The following LAMB4 variants were observed in gnomAD, a reference collection of about 807,000 sequenced individuals.
The protein encoded by LAMB4 is laminin subunit beta-4.
A neutral mutation model predicts 199.2 loss-of-function variants in LAMB4; 196 were observed. The observed-to-expected ratio is 0.98, with a 90% CI of 0.88 to 1.11. The LOEUF (loss-of-function observed/expected upper bound fraction) is 1.11, where lower values mean the gene tolerates loss of function less well. Ranked by LOEUF, LAMB4 falls within the 50% of genes least tolerant of loss-of-function variation. LAMB4 has a pLI of 0.00. For synonymous variants in LAMB4, 744 were observed against 770.6 expected (o/e 0.97, Z 0.57); for missense variants, 2,080 against 2,171.2 (o/e 0.96, Z 0.83).
At chr7:108,109,487 C>T (rs2038142361) in intron 4 of LAMB4, among the ~76,000 whole-genome samples, 1 of 152,174 alleles carries the variant, frequency 6.6e-6, no homozygotes, top group Admixed American at 6.5e-5. Flanking sequence ...CACATGGCCA[C>T]TATGTGGCAG....
chr7:108,017,033 T>C, the LAMB4 span, among the ~76,000 whole-genome samples: 5 of 152,226 alleles, frequency 3.3e-5, no homozygotes, highest in African/African-American at 9.6e-5. Context: ...CTATGAATCT[T>C]AGACACTTAA....
chr7:108,055,520 C>G, intron 25 of LAMB4, 112 bp downstream of exon 25: 2 of 1,153,090 alleles, frequency 1.7e-6, no homozygotes, highest in South Asian at 3.0e-5. Flanking sequence ...CTATCAGTCC[C>G]CTAAAGTCAA....
In LAMB4 at chr7:108,098,456, T is replaced by C. The variant is rs1212511286; in HGVS notation, c.1307A>G (p.Gln436Arg). The C allele has an allele frequency of 6.2e-7, 1 of 1,612,958 alleles. No individual in the cohort carries two copies. Among genetic ancestry groups the C allele is most frequent in the East Asian group, 2.2e-5 (1 of 44,844 alleles). The change falls in exon 11 of 34, where the codon CAG becomes CGG. Residue 436 changes from glutamine (Q) to arginine (R), a missense_variant. Coordinates refer to ENST00000388781, the MANE Select transcript of LAMB4 (RefSeq NM_007356.3). Reference sequence around the variant, plus strand: ...TAGTCCGTAGTGGTTGGGTTTGCACTGGTCGCATTTGGCTCCTTCCACGTT... The same window carrying C: ...TAGTCCGTAGTGGTTGGGTTTGCACCGGTCGCATTTGGCTCCTTCCACGTT... ...KENVEGAKCD[Q>R]CKPNHYGLSA...
chr7:108,045,534 G>T (rs1225346164), intron 28 of LAMB4, among the ~76,000 whole-genome samples: 1 of 152,164 alleles, frequency 6.6e-6, no homozygotes, highest in African/African-American at 2.4e-5. Context: ...GGATTTCAAG[G>T]ATAATTTTTT....
Position 108,095,337 on chromosome 7 carries a change from G to A in LAMB4, c.1361C>T (p.Pro454Leu). The change falls in exon 12 of 34, where the codon CCC becomes CTC. Residue 454 changes from proline to leucine, a missense_variant and splice_region_variant. Pro to Leu is a moderately conservative substitution (Grantham distance 98, BLOSUM62 -3). Coordinates refer to ENST00000388781, the MANE Select transcript of LAMB4 (RefSeq NM_007356.3). ...LSATDPLGCQ[P>L]CDCNPLGSLP... ...ACTCCCAAGGGGGTTACAGTCGCAG[G>A]CTGAAAGCACAGCATACACAATTAT... The A allele has an allele frequency of 6.2e-7, 1 of 1,604,212 alleles. No individual in the cohort carries two copies. Among genetic ancestry groups the A allele is most frequent in the Non-Finnish European group, 8.5e-7 (1 of 1,171,312 alleles).
chr7:108,094,502 T>C (rs1162995519), intron 12 of LAMB4, among the ~76,000 whole-genome samples: 2 of 151,952 alleles, frequency 1.3e-5, no homozygotes, highest in Non-Finnish European at 2.9e-5. Context: ...CATAGGCATA[T>C]GTTTCTTATT....
intron 14 of LAMB4, among the ~76,000 whole-genome samples, chr7:108,081,146 T>C (rs2036921558): frequency 6.6e-6 from 1 of 152,112 alleles, no homozygotes; most frequent in Admixed American, 6.6e-5. Flanking sequence ...ACCCTTGCAA[T>C]TGCAGTAGAC....
chr7:108,048,145 C>T, intron 27 of LAMB4, 34 bp from the exon 28 acceptor site: 3 of 711,510 alleles, frequency 4.2e-6, no homozygotes, highest in Non-Finnish European at 4.8e-6. Context: ...TAAATAGCAA[C>T]TTGTTGTCAG....
At chr7:108,115,475 C>T (rs2038372970) in intron 3 of LAMB4, among the ~76,000 whole-genome samples, 1 of 152,154 alleles carries the variant, frequency 6.6e-6, no homozygotes, top group South Asian at 2.1e-4. Flanking sequence ...TCGAGATCAG[C>T]CTGGGCAACA....
Position 108,062,953 on chromosome 7 carries a change from G to A in LAMB4, c.3103C>T (p.Pro1035Ser). ...CAGAGGCAAGCTCCCCCACCAGGGG[G>A]ACACTCCATGGGACTCACGCCGGAA... is the stretch of plus-strand genomic sequence containing the variant. ...HASGVSPMEC[P>S]PGGGACLCDP... is the part of the protein sequence containing the mutation. The change falls in exon 23 of 34, where the codon CCC becomes TCC. Residue 1035 changes from proline to serine, a missense_variant. Physicochemically the swap from Pro to Ser is moderately conservative, Grantham distance 74. Coordinates refer to ENST00000388781, the MANE Select transcript of LAMB4 (RefSeq NM_007356.3). 1 of 1,604,428 alleles carries A rather than the reference G, an allele frequency of 6.2e-7. No individual in the cohort carries two copies. Among genetic ancestry groups the A allele is most frequent in the South Asian group, 1.1e-5 (1 of 89,256 alleles).
At chr7:108,032,485 G>A (rs973545012) in intron 31 of LAMB4, among the ~76,000 whole-genome samples, 17 of 152,222 alleles carry the variant, frequency 1.1e-4, no homozygotes, top group Admixed American at 2.6e-4. Flanking sequence ...TTGTTCCTTT[G>A]GAGAGGATTT....
intron 23 of LAMB4, 44 bp from the exon 24 acceptor site, chr7:108,057,972 C>A: frequency 7.5e-7 from 1 of 1,326,096 alleles, no homozygotes; most frequent in Admixed American, 1.8e-5. Flanking sequence ...GTTTTATGGT[C>A]TAAAAAAAAA....
At chr7:108,050,142 T>C (rs2035781464) in intron 26 of LAMB4, among the ~76,000 whole-genome samples, 1 of 152,208 alleles carries the variant, frequency 6.6e-6, no homozygotes, top group African/African-American at 2.4e-5. Context: ...TGTGTTCCAC[T>C]GAAGCAGTAT....
At chr7:108,063,587 T>C (rs2036238117) in intron 22 of LAMB4, among the ~76,000 whole-genome samples, 174 bp downstream of exon 22, 1 of 152,202 alleles carries the variant, frequency 6.6e-6, no homozygotes. Flanking sequence ...ATACCAGTGG[T>C]TGCAATGCAC....
chr7:108,088,668 A>G (rs1291411624), intron 14 of LAMB4, among the ~76,000 whole-genome samples: 2 of 152,022 alleles, frequency 1.3e-5, no homozygotes, highest in South Asian at 2.1e-4. Flanking sequence ...TTCATCTCCA[A>G]CCTTTCTCTT....
At chr7:108,048,944 GC>G (rs1323246249) in intron 27 of LAMB4, among the ~76,000 whole-genome samples, 3 of 152,124 alleles carry the variant, frequency 2.0e-5, no homozygotes, top group Non-Finnish European at 2.9e-5. Context: ...GCCCACCTTG[GC>G]CTCCCAAAGT....
rs180692685 is a variant in LAMB4, at chr7:108,035,533, C to A, written c.4680-1187G>T. Among the ~76,000 whole-genome samples the A allele has an allele frequency of 2.4e-3, 322 of 132,390 alleles. 2 individuals carry two copies. The highest frequency in any genetic ancestry group is 9.1e-3 in the African/African-American group (308 of 33,998). The allele number at this position is 132,390 out of a possible 152,430, so 86.9% of individuals were successfully genotyped here. ...CTCCAGCCTGGATGACAGAATGAGA[C>A]CCTGTCTCAAAAGAAAAAAAAAAAA... On this transcript the variant is annotated intron_variant, in intron 30 of 33. Transcript: ENST00000388781.
chr7:108,032,791 A>G (rs955263866), intron 31 of LAMB4, among the ~76,000 whole-genome samples: 2 of 151,882 alleles, frequency 1.3e-5, no homozygotes, highest in South Asian at 2.1e-4. Context: ...CTATGCAAGA[A>G]TCTTGTTGCC....
At chr7:108,035,546 GA>G (rs71137604) in intron 30 of LAMB4, among the ~76,000 whole-genome samples, 13,921 of 107,932 alleles carry the variant, frequency 0.13, 1,292 homozygotes, top group African/African-American at 0.31. Flanking sequence ...TGTCTCAAAA[GA>G]AAAAAAAAAA....
Sources: allele counts gnomAD v4.1 joint callset (sites outside exome capture counted in the v4.1 genomes callset), GRCh38; gene constraint gnomAD v4.1.1; transcripts MANE v1.5; gene names NCBI Gene and HGNC (gene_info 2026-07-23, HGNC 2026-07-21).